The following SLC25A21 variants were observed in gnomAD, a reference collection of about 807,000 sequenced individuals.
SLC25A21 encodes mitochondrial 2-oxodicarboxylate carrier.
SLC25A21 carries 47 observed loss-of-function variants against 43.8 expected under a neutral mutation model. The ratio of observed to expected loss-of-function variants is 1.07; its 90% CI spans 0.85 to 1.37. The LOEUF is 1.37. SLC25A21 is among the 40% of genes most tolerant of loss of function. The pLI is 0.00. For missense variants in SLC25A21, 352 were observed against 350.2 expected (o/e 1.00, Z -0.04); for synonymous variants, 131 against 121.3 (o/e 1.08, Z -0.52).
chr14:37,035,958 T>G (rs537679482), intron 1 of SLC25A21, among the ~76,000 whole-genome samples: 1 of 152,346 alleles, frequency 6.6e-6, no homozygotes, highest in African/African-American at 2.4e-5. Context: ...CAAAATACAC[T>G]GCTATACCCA....
At position 37,017,603 on chromosome 14, in the gene SLC25A21, C is replaced by T. The variant is rs114551996; in HGVS notation, c.71-142599G>A. 9.2e-3 allele frequency among the ~76,000 whole-genome samples: 1,393 copies of T among 152,146 alleles called. 18 individuals carry two copies. The highest frequency in any genetic ancestry group is 0.032 in the African/African-American group (1,335 of 41,530). On this transcript the variant is annotated intron_variant, in intron 1 of 9. Coordinates refer to ENST00000331299, the MANE Select transcript of SLC25A21 (RefSeq NM_030631.4). ...ATGGTGCCAATAGACTTTCCAGACA[C>T]AGGGTTGCCGCAATCCTTCATTAGT...
At chr14:36,873,943 T>C (rs1469184628) in intron 2 of SLC25A21, among the ~76,000 whole-genome samples, 2 of 152,190 alleles carry the variant, frequency 1.3e-5, no homozygotes, top group Non-Finnish European at 2.9e-5. Flanking sequence ...ACTGTAAATA[T>C]GAATGTCTGT....
At chr14:36,821,916 G>A (rs1478183989) in intron 2 of SLC25A21, among the ~76,000 whole-genome samples, 1 of 152,068 alleles carries the variant, frequency 6.6e-6, no homozygotes, top group Non-Finnish European at 1.5e-5. Context: ...AGCTCAACAG[G>A]GCCTCTAATC....
At chr14:36,719,650 C>T (rs928505708) in intron 6 of SLC25A21, among the ~76,000 whole-genome samples, 4 of 152,160 alleles carry the variant, frequency 2.6e-5, no homozygotes, top group African/African-American at 9.7e-5. Context: ...TAGTCTTTGA[C>T]TAATATGGTG....
chr14:36,704,582 G>A (rs529637938), intron 7 of SLC25A21, among the ~76,000 whole-genome samples: 3 of 151,640 alleles, frequency 2.0e-5, no homozygotes, highest in East Asian at 1.9e-4. Context: ...GCTTGAACCC[G>A]GGAGGCGGAG....
intron 2 of SLC25A21, among the ~76,000 whole-genome samples, chr14:36,832,487 T>C (rs1297435965): frequency 2.0e-5 from 3 of 152,160 alleles, no homozygotes; most frequent in East Asian, 3.8e-4. Flanking sequence ...GGACAATCTT[T>C]TTTGCACTTT....
chr14:37,057,240 T>C (rs1961850058), intron 1 of SLC25A21, among the ~76,000 whole-genome samples: 1 of 152,216 alleles, frequency 6.6e-6, no homozygotes, highest in African/African-American at 2.4e-5. Flanking sequence ...AGCTCATTTT[T>C]TGAAACAATT....
At chr14:36,768,799 A>G (rs1386233053) in intron 3 of SLC25A21, among the ~76,000 whole-genome samples, 2 of 152,156 alleles carry the variant, frequency 1.3e-5, no homozygotes, top group Non-Finnish European at 2.9e-5. Flanking sequence ...AGTACCTGAT[A>G]AAGGATAGCT....
chr14:36,741,801 A>G (rs1885274220), intron 3 of SLC25A21, among the ~76,000 whole-genome samples: 1 of 152,228 alleles, frequency 6.6e-6, no homozygotes, highest in South Asian at 2.1e-4. Context: ...GTGAAGCATG[A>G]AATAGGAGCG....
chr14:37,080,114 T>C (rs1962357472), intron 1 of SLC25A21, among the ~76,000 whole-genome samples: 1 of 152,162 alleles, frequency 6.6e-6, no homozygotes, highest in Non-Finnish European at 1.5e-5. Flanking sequence ...GTTTATAAAC[T>C]ACCCAGTTTA....
chr14:36,681,834 T>TATTA (rs1449735600), intron 9 of SLC25A21, among the ~76,000 whole-genome samples: 1 of 152,232 alleles, frequency 6.6e-6, no homozygotes, highest in Non-Finnish European at 1.5e-5. Flanking sequence ...GAAGATACTC[T>TATTA]ATTAGTCCCT....
chr14:37,015,039 T>TTTATTATTATTA (rs548034724), intron 1 of SLC25A21, among the ~76,000 whole-genome samples: 1 of 151,716 alleles, frequency 6.6e-6, no homozygotes, highest in African/African-American at 2.4e-5. Context: ...GGCATAATTC[T>TTTATTATTATTA]TTATTATTAT....
chr14:37,160,452 G>C (rs1963919891), intron 1 of SLC25A21, among the ~76,000 whole-genome samples: 1 of 152,158 alleles, frequency 6.6e-6, no homozygotes, highest in Non-Finnish European at 1.5e-5. Context: ...TATCTTAAGA[G>C]AAATAAGCCA....
chr14:36,894,722 CTAAT>C (rs1891186769), intron 1 of SLC25A21, among the ~76,000 whole-genome samples: 1 of 152,102 alleles, frequency 6.6e-6, no homozygotes, highest in East Asian at 1.9e-4. Flanking sequence ...CCATCAATAC[CTAAT>C]TTATTGAGAG....
rs7147711 is a variant in SLC25A21, at chr14:36,688,117, C to T, written c.604-3192G>A. Among the ~76,000 whole-genome samples the T allele has an allele frequency of 8.1e-3, 1,241 of 152,312 alleles. 16 individuals carry two copies. Among genetic ancestry groups the T allele is most frequent in the African/African-American group, 0.027 (1,103 of 41,572 alleles). On this transcript the variant is annotated intron_variant, in intron 7 of 9. Coordinates refer to ENST00000331299, the MANE Select transcript of SLC25A21 (RefSeq NM_030631.4). Reference sequence around the variant, plus strand: ...TATACCAAGCACTTTCCCAACTCCACGCTTTTCTTCAAACAATTCCTGCAG... The same window carrying T: ...TATACCAAGCACTTTCCCAACTCCATGCTTTTCTTCAAACAATTCCTGCAG...
intron 1 of SLC25A21, among the ~76,000 whole-genome samples, chr14:36,883,821 A>T (rs560599712): frequency 1.1e-3 from 163 of 152,222 alleles, no homozygotes; most frequent in African/African-American, 3.0e-3. Flanking sequence ...TTATTTTTTT[A>T]AAAAATTATT....
intron 1 of SLC25A21, among the ~76,000 whole-genome samples, chr14:37,016,988 T>C (rs997783158): frequency 6.6e-6 from 1 of 152,238 alleles, no homozygotes; most frequent in African/African-American, 2.4e-5. Flanking sequence ...CATGGCTCGT[T>C]TGATCTTCTA....
At chr14:36,808,196 G>A (rs532697893) in intron 3 of SLC25A21, among the ~76,000 whole-genome samples, 2 of 152,146 alleles carry the variant, frequency 1.3e-5, no homozygotes, top group Non-Finnish European at 2.9e-5. Flanking sequence ...ATCTGACCTA[G>A]TTGTTTCCTA....
chr14:36,833,259 T>C (rs1172665896), intron 2 of SLC25A21, among the ~76,000 whole-genome samples: 6 of 152,146 alleles, frequency 3.9e-5, no homozygotes, highest in Admixed American at 3.9e-4. Context: ...GACGATAGAA[T>C]AGATGGGGTT....
Sources: gnomAD v4.1 joint callset for allele counts (sites outside exome capture counted in the v4.1 genomes callset) on GRCh38, gnomAD v4.1.1 for gene constraint, MANE v1.5 for transcripts, NCBI Gene and HGNC (gene_info 2026-07-23, HGNC 2026-07-21) for gene names.